The following SLC9C2 variants were observed in gnomAD, a reference collection of about 807,000 sequenced individuals.
SLC9C2 encodes the protein sodium/hydrogen exchanger 11.
Under a neutral mutation model 140.2 loss-of-function variants are expected in SLC9C2, and 75 were observed. The observed-to-expected ratio is 0.53, with a 90% CI of 0.44 to 0.65. The LOEUF (loss-of-function observed/expected upper bound fraction) is 0.65. SLC9C2 is among the 30% of genes least tolerant of loss of function. The pLI, the probability that SLC9C2 is intolerant of heterozygous loss-of-function variation, is 0.00. For synonymous variants in SLC9C2, 375 were observed against 420.9 expected (o/e 0.89, Z 1.34); for missense variants, 1,074 against 1,331.8 (o/e 0.81, Z 3.01).
chr1:173,581,937 T>G lies in SLC9C2; in HGVS notation c.712A>C (p.Ile238Leu), dbSNP rs143691821. The change falls in exon 7 of 28, where the codon ATC becomes CTC. Residue 238 changes from isoleucine (I) to leucine (L), a missense_variant. By Grantham distance (5) the Ile-to-Leu change is conservative. Transcript: ENST00000367714. ...ACGTCAGCCAATATACACTGAATGA[T>G]TTTTGCACACCAATATCCAAATATT... The part of the protein sequence containing the change: ...SIIFGYWCAK[I>L]IQCILADVFS... 6.8e-5 allele frequency: 109 copies of G among 1,607,476 alleles called. No homozygotes were observed. Among genetic ancestry groups the G allele is most frequent in the Non-Finnish European group, 9.1e-5 (107 of 1,175,802 alleles).
chr1:173,565,795 A>C (rs1171379843), intron 9 of SLC9C2, among the ~76,000 whole-genome samples: 2 of 152,190 alleles, frequency 1.3e-5, no homozygotes, highest in African/African-American at 4.8e-5. Context: ...AGATCATTTT[A>C]GATAGTATGG....
intron 11 of SLC9C2, among the ~76,000 whole-genome samples, chr1:173,551,397 G>A (rs780806772): frequency 5.3e-5 from 8 of 152,096 alleles, no homozygotes; most frequent in Non-Finnish European, 1.2e-4. Context: ...TGTGGTGCAG[G>A]CATGCCTTAT....
intron 3 of SLC9C2, among the ~76,000 whole-genome samples, 194 bp from the exon 4 acceptor site, chr1:173,598,226 G>A (rs1042292878): frequency 1.3e-5 from 2 of 152,138 alleles, no homozygotes; most frequent in African/African-American, 4.8e-5. Context: ...TACCTATATA[G>A]ACCTCTATTC....
chr1:173,586,538 C>T (rs1665857922), intron 5 of SLC9C2, among the ~76,000 whole-genome samples: 1 of 152,070 alleles, frequency 6.6e-6, no homozygotes, highest in African/African-American at 2.4e-5. Flanking sequence ...GGTATATACC[C>T]AAAGGAATAT....
At chr1:173,598,656 T>C (rs1666580082) in intron 3 of SLC9C2, among the ~76,000 whole-genome samples, 1 of 152,334 alleles carries the variant, frequency 6.6e-6, no homozygotes, top group East Asian at 1.9e-4. Context: ...TTCACCTCCC[T>C]ATACCTCAGT....
chr1:173,557,616 G>T, intron 9 of SLC9C2, 108 bp from the exon 10 acceptor site: 1 of 1,056,774 alleles, frequency 9.5e-7, no homozygotes, highest in South Asian at 1.6e-5. Flanking sequence ...TTTCGGGAAA[G>T]AAAAAAACAA....
chr1:173,548,602 C>A, intron 11 of SLC9C2, 50 bp from the exon 12 acceptor site: 5 of 1,593,296 alleles, frequency 3.1e-6, no homozygotes, highest in South Asian at 2.2e-5. Context: ...GTGAGGACTG[C>A]AAGGGAAAGC....
At chr1:173,535,979 T>A (rs775962616) in intron 14 of SLC9C2, 30 bp from the exon 15 acceptor site, 4 of 1,471,746 alleles carry the variant, frequency 2.7e-6, no homozygotes, top group African/African-American at 3.0e-5. Flanking sequence ...ATATGTGTTA[T>A]AATAAAAAGC....
At chr1:173,562,395 T>C (rs1170595986) in intron 9 of SLC9C2, among the ~76,000 whole-genome samples, 2 of 152,258 alleles carry the variant, frequency 1.3e-5, no homozygotes, top group African/African-American at 4.8e-5. Flanking sequence ...TCAGTCTACC[T>C]TAAAAGATTA....
At chr1:173,566,817 A>G (rs1373222278) in intron 9 of SLC9C2, among the ~76,000 whole-genome samples, 1 of 148,774 alleles carries the variant, frequency 6.7e-6, no homozygotes, top group Non-Finnish European at 1.5e-5. Context: ...AGGCACATGT[A>G]ACTATAAATT....
chr1:173,503,701 T>C (rs1376300187), intron 26 of SLC9C2, among the ~76,000 whole-genome samples: 1 of 152,148 alleles, frequency 6.6e-6, no homozygotes, highest in African/African-American at 2.4e-5. Context: ...GCAGACCTTA[T>C]TTTTTCATGA....
At chr1:173,556,702 A>C (rs2102099549) in intron 10 of SLC9C2, among the ~76,000 whole-genome samples, 1 of 152,168 alleles carries the variant, frequency 6.6e-6, no homozygotes, top group South Asian at 2.1e-4. Context: ...GGATCACCTG[A>C]GGCCAAGAGT....
intron 8 of SLC9C2, among the ~76,000 whole-genome samples, chr1:173,574,701 AG>A (rs1321237788): frequency 6.8e-6 from 1 of 147,896 alleles, no homozygotes; most frequent in Non-Finnish European, 1.5e-5. Flanking sequence ...TAGTAGAGAC[AG>A]GGTTTCACCA....
At position 173,537,004 on chromosome 1, in the gene SLC9C2, A is replaced by G. The variant is rs1662016548; in HGVS notation, c.1593T>C (p.Leu531=). 2.5e-6 allele frequency: 4 copies of G among 1,613,806 alleles called. No homozygotes were observed. Among genetic ancestry groups the G allele is most frequent in the Non-Finnish European group, 2.5e-6 (3 of 1,179,822 alleles). ...TTAATATCCGGGCTGCCTCTATTTC[A>G]AGAATTCCATTGTTACGCTGTTTTT... ...SFEKQRNNGI[L]EIEAARILIG... The change falls in exon 14 of 28, where the codon CTT becomes CTC. Residue 531 remains leucine, a synonymous_variant. Coordinates refer to ENST00000367714, the MANE Select transcript of SLC9C2 (RefSeq NM_178527.4).
chr1:173,561,401 C>G (rs1664095757), intron 9 of SLC9C2, among the ~76,000 whole-genome samples: 1 of 152,116 alleles, frequency 6.6e-6, no homozygotes, highest in Non-Finnish European at 1.5e-5. Context: ...TGAAAGACTA[C>G]TTATTTTTTA....
At chr1:173,502,750 C>A (rs930158440) in intron 27 of SLC9C2, among the ~76,000 whole-genome samples, 1 of 152,126 alleles carries the variant, frequency 6.6e-6, no homozygotes, top group Non-Finnish European at 1.5e-5. Flanking sequence ...TCATCCTACT[C>A]GATAATATGT....
chr1:173,532,538 T>C (rs541567178), intron 17 of SLC9C2, among the ~76,000 whole-genome samples: 1 of 152,338 alleles, frequency 6.6e-6, no homozygotes, highest in Non-Finnish European at 1.5e-5. Flanking sequence ...TTAAATTCCA[T>C]AGGTAGTATC....
At chr1:173,553,775 G>A (rs1041357741) in intron 11 of SLC9C2, among the ~76,000 whole-genome samples, 1 of 152,124 alleles carries the variant, frequency 6.6e-6, no homozygotes, top group Non-Finnish European at 1.5e-5. Flanking sequence ...GCTTTGTCAC[G>A]TGGTCTGGAA....
intron 13 of SLC9C2, among the ~76,000 whole-genome samples, chr1:173,545,860 T>G (rs1662809554): frequency 6.6e-6 from 1 of 152,150 alleles, no homozygotes; most frequent in Non-Finnish European, 1.5e-5. Flanking sequence ...CATTCACAAG[T>G]CTGGAAGTTA....
Sources: gnomAD v4.1 joint callset for allele counts (sites outside exome capture counted in the v4.1 genomes callset) on GRCh38, gnomAD v4.1.1 for gene constraint, MANE v1.5 for transcripts, NCBI Gene and HGNC (gene_info 2026-07-23, HGNC 2026-07-21) for gene names.